The following ZNF273 variants were observed in gnomAD, a reference collection of about 807,000 sequenced individuals.
ZNF273 encodes zinc finger protein 273, also known as zinc finger protein 9.
In ZNF273, 11 loss-of-function variants were observed where a neutral mutation model predicts 14.9. The observed-to-expected ratio is 0.74, with a 90% CI of 0.46 to 1.22. ZNF273 has a LOEUF of 1.22. Ranked by LOEUF, ZNF273 falls within the 50% of genes most tolerant of loss-of-function variation. ZNF273 has a pLI of 0.00. For missense variants in ZNF273, 577 were observed against 660.6 expected, an observed-to-expected ratio of 0.87 and a Z score of 1.39; for synonymous variants, 199 against 223.9, an observed-to-expected ratio of 0.89 and a Z score of 0.99.
intron 1 of ZNF273, among the ~76,000 whole-genome samples, chr7:64,910,049 G>A (rs1793382079): frequency 6.6e-6 from 1 of 151,716 alleles, no homozygotes; most frequent in Non-Finnish European, 1.5e-5. Context: ...ACTTGCTTAA[G>A]TTCTTTATTA....
downstream of ZNF273, among the ~76,000 whole-genome samples, chr7:64,933,770 A>C (rs1795037207): frequency 6.6e-6 from 1 of 152,242 alleles, no homozygotes. Flanking sequence ...ATGTGACATA[A>C]AATGCATTTT....
chr7:64,925,346 A>G (rs1794721681), intron 3 of ZNF273, among the ~76,000 whole-genome samples: 1 of 151,954 alleles, frequency 6.6e-6, no homozygotes, highest in Non-Finnish European at 1.5e-5. Flanking sequence ...TTTTTGGGGT[A>G]CCTTGGGGAT....
At chr7:64,889,158 G>A, downstream of ZNF273, 3 of 985,930 alleles carry the variant, frequency 3.0e-6, no homozygotes, top group Non-Finnish European at 3.6e-6. The surrounding 1 kb of genome is among the most constrained non-coding windows in gnomAD (Gnocchi z 4.2). Flanking sequence ...CCCGGGCTGA[G>A]CTGAGCTCAC....
intron 1 of ZNF273, among the ~76,000 whole-genome samples, chr7:64,916,581 A>G (rs1210507613): frequency 6.6e-6 from 1 of 151,632 alleles, no homozygotes; most frequent in East Asian, 1.9e-4. Flanking sequence ...CACACAAAAT[A>G]ACAACATAAG....
exon 4 of ZNF273, chr7:64,897,647 C>G (rs964712561): frequency 1.3e-5 from 2 of 148,530 alleles, no homozygotes; most frequent in Non-Finnish European, 3.0e-5. Flanking sequence ...GTGTTTTAAG[C>G]AAAATAAGCA....
At chr7:64,913,739 T>G (rs1402800240) in intron 1 of ZNF273, among the ~76,000 whole-genome samples, 1 of 152,188 alleles carries the variant, frequency 6.6e-6, no homozygotes, top group African/African-American at 2.4e-5. Flanking sequence ...AGGACTTGTT[T>G]AAAACACCGA....
chr7:64,881,904 G>A (rs1394783084), downstream of ZNF273, among the ~76,000 whole-genome samples: 1 of 152,160 alleles, frequency 6.6e-6, no homozygotes, highest in Non-Finnish European at 1.5e-5. Flanking sequence ...AGCACTCGTG[G>A]ACACCCATTT....
chr7:64,932,059 A>C (rs891155310), downstream of ZNF273, among the ~76,000 whole-genome samples: 6 of 151,886 alleles, frequency 4.0e-5, no homozygotes, highest in Non-Finnish European at 5.9e-5. Flanking sequence ...TCACATGGTA[A>C]TTTAGTAAGT....
chr7:64,923,252 C>T (rs997910175), intron 3 of ZNF273: 7 of 431,318 alleles, frequency 1.6e-5, no homozygotes, highest in East Asian at 7.2e-5. Context: ...CAAGATTTAT[C>T]GTTATAGTTG....
chr7:64,917,471 C>G, intron 1 of ZNF273, 110 bp from the exon 2 acceptor site: 1 of 1,487,792 alleles, frequency 6.7e-7, no homozygotes, highest in Non-Finnish European at 9.0e-7. Flanking sequence ...TTAGTCACTC[C>G]TATAAGTAAA....
At chr7:64,879,829 C>G (rs9987044), downstream of ZNF273, 6,388 of 152,318 alleles carry the variant, frequency 0.042, 158 homozygotes, top group Middle Eastern at 0.082. Flanking sequence ...AGTCTCAAAG[C>G]CTGTCCTCCT....
At chr7:64,924,399 T>C (rs1437350194) in intron 3 of ZNF273, 2 of 152,216 alleles carry the variant, frequency 1.3e-5, no homozygotes, top group East Asian at 3.8e-4. Flanking sequence ...TTATTCTTAC[T>C]ATAGAAAATG....
exon 2 of ZNF273, chr7:64,888,655 C>T: frequency 1.0e-6 from 1 of 985,888 alleles, no homozygotes; most frequent in Middle Eastern, 5.2e-4. Context: ...CTGCCCCTGA[C>T]CAGGGGGCCG....
intron 1 of ZNF273, chr7:64,888,354 G>T (rs1442523073): frequency 1.0e-6 from 1 of 985,208 alleles, no homozygotes; most frequent in African/African-American, 1.7e-5. Context: ...CCTGCTCCCA[G>T]GGGGAAGCGG....
In ZNF273 at chr7:64,928,775, G is replaced by C. The variant is rs779587964; in HGVS notation, c.1447G>C (p.Glu483Gln). ...LTEHKRVHTG[E>Q]KPYKCNECGK... ...TGAACATAAGAGAGTTCATACTGGA[G>C]AGAAACCTTACAAATGCAATGAATG... The change falls in exon 4 of 4, where the codon GAG (glutamate) becomes CAG (glutamine). Residue 483 changes from glutamate (E) to glutamine (Q), a missense_variant. Transcript: ENST00000476120. The C allele has an allele frequency of 1.9e-6, 3 of 1,613,476 alleles. No homozygotes were observed. Among genetic ancestry groups the C allele is most frequent in the Non-Finnish European group, 2.5e-6 (3 of 1,179,872 alleles).
chr7:64,905,138 G>C (rs1385629635), intron 1 of ZNF273, among the ~76,000 whole-genome samples: 2 of 99,384 alleles, frequency 2.0e-5, no homozygotes, highest in Non-Finnish European at 3.7e-5. Flanking sequence ...TTTTTTTTGA[G>C]ACAGTCTCAT....
intron 1 of ZNF273, among the ~76,000 whole-genome samples, chr7:64,885,570 C>T (rs1336492015): frequency 6.6e-6 from 1 of 152,214 alleles, no homozygotes; most frequent in African/African-American, 2.4e-5. Flanking sequence ...GGTCACTTCG[C>T]ACCTACACCT....
intron 3 of ZNF273, 106 bp downstream of exon 3, chr7:64,918,398 C>G (rs1794163998): frequency 8.5e-7 from 1 of 1,170,790 alleles, no homozygotes; most frequent in Non-Finnish European, 1.1e-6. Flanking sequence ...CGCGGTGGCT[C>G]ACGTCTGTAA....
At chr7:64,921,629 TTTTTTTTTGTGTG>T (rs1310698771) in intron 3 of ZNF273, among the ~76,000 whole-genome samples, 20 of 36,834 alleles carry the variant, frequency 5.4e-4, no homozygotes, top group East Asian at 1.7e-3. Flanking sequence ...TTTTTTTTTT[TTTTTTTTTGTGTG>T]TGAGACAGAG....
Sources: allele counts gnomAD v4.1 joint callset (sites outside exome capture counted in the v4.1 genomes callset), GRCh38; gene constraint gnomAD v4.1.1; non-coding constraint Gnocchi (gnomAD v3.1); transcripts MANE v1.5; gene names NCBI Gene and HGNC (gene_info 2026-07-23, HGNC 2026-07-21).